Variants in RIPOR2 observed in about 807,000 individuals in gnomAD.
The protein encoded by RIPOR2 is RHO family interacting cell polarization regulator 2.
Under a neutral mutation model 114.5 loss-of-function variants are expected in RIPOR2, and 39 were observed. The ratio of observed to expected loss-of-function variants is 0.34; its 90% CI spans 0.26 to 0.44. RIPOR2 has a LOEUF of 0.44. RIPOR2 is among the 20% of genes least tolerant of loss of function. The pLI, the probability that RIPOR2 is intolerant of heterozygous loss-of-function variation, is 1.00. For missense variants in RIPOR2, 1,007 were observed against 1,255.1 expected (o/e 0.80, Z 2.99); for synonymous variants, 445 against 484.4 (o/e 0.92, Z 1.07).
intron 1 of RIPOR2, among the ~76,000 whole-genome samples, chr6:25,025,430 C>G (rs753904596): frequency 2.6e-5 from 4 of 151,838 alleles, no homozygotes; most frequent in Non-Finnish European, 4.4e-5. Context: ...ATGCTGGGTG[C>G]GTGACGAGGC....
At chr6:24,875,002 C>T (rs1765576669) in intron 2 of RIPOR2, among the ~76,000 whole-genome samples, 1 of 152,142 alleles carries the variant, frequency 6.6e-6, no homozygotes, top group African/African-American at 2.4e-5. Flanking sequence ...CACTCACTGA[C>T]CCAGCTATCA....
chr6:24,828,069 G>A, intron 18 of RIPOR2, 68 bp downstream of exon 18: 1 of 1,314,492 alleles, frequency 7.6e-7, no homozygotes, highest in Non-Finnish European at 1.0e-6. Flanking sequence ...CAAAAGCCAT[G>A]ATTTAAAAGA....
In RIPOR2 at chr6:25,037,186, A is replaced by T. The variant is rs1777290189; in HGVS notation, c.76+4665T>A. On this transcript the variant is annotated intron_variant, in intron 1 of 13. Coordinates refer to the RIPOR2 transcript ENST00000510784. This position sits in a 1 kb window ranked among gnomAD's most constrained non-coding sequence, Gnocchi z 4.5. ...TTTAAGGTTGAGGAAGTGGGCATTC[A>T]GGGAGGTGGAATAAATTGCCCACAG... 6.6e-6 allele frequency among the ~76,000 whole-genome samples: 1 copy of T among 152,220 alleles called. No individual in the cohort carries two copies. The highest frequency in any genetic ancestry group is 6.5e-5 in the Admixed American group (1 of 15,286).
chr6:25,041,799 A>C (rs1490553828), intron 1 of RIPOR2: 3 of 688,870 alleles, frequency 4.4e-6, no homozygotes, highest in African/African-American at 1.8e-5. Context: ...GTGTTGCGGG[A>C]AAGTGTGGAA....
At chr6:24,840,272 G>C (rs960033017) in intron 13 of RIPOR2, 2 of 1,033,510 alleles carry the variant, frequency 1.9e-6, no homozygotes, top group Non-Finnish European at 2.3e-6. Context: ...TCTGAGGACT[G>C]AGGAAAGAAT....
At chr6:24,840,040 C>G in intron 13 of RIPOR2, 1 of 839,676 alleles carries the variant, frequency 1.2e-6, no homozygotes, top group Non-Finnish European at 1.4e-6. Flanking sequence ...GCCTCAATCT[C>G]CCGGGCTTAA....
chr6:24,979,845 C>T (rs891253327), intron 1 of RIPOR2, among the ~76,000 whole-genome samples: 22 of 152,132 alleles, frequency 1.4e-4, no homozygotes, highest in African/African-American at 5.1e-4. Flanking sequence ...TGTAAGTAAC[C>T]AGTCTCTTAG....
chr6:24,822,476 T>C (rs1280134017), intron 19 of RIPOR2, among the ~76,000 whole-genome samples: 1 of 152,140 alleles, frequency 6.6e-6, no homozygotes, highest in Non-Finnish European at 1.5e-5. Context: ...ATTTTGGGGT[T>C]ACTGAATAGG....
intron 1 of RIPOR2, among the ~76,000 whole-genome samples, chr6:24,921,695 T>TTGTCTGCC (rs901584010): frequency 5.9e-5 from 9 of 151,340 alleles, no homozygotes; most frequent in African/African-American, 1.2e-4. Flanking sequence ...GGCTTGTCTA[T>TTGTCTGCC]TGTCTGCCTC....
intron 1 of RIPOR2, among the ~76,000 whole-genome samples, chr6:24,997,757 A>T (rs1775108506): frequency 6.6e-6 from 1 of 152,208 alleles, no homozygotes; most frequent in Admixed American, 6.5e-5. Flanking sequence ...CAAGACCCCC[A>T]GGTGATCTGT....
At chr6:24,870,015 T>C (rs1236099368) in intron 5 of RIPOR2, among the ~76,000 whole-genome samples, 2 of 152,216 alleles carry the variant, frequency 1.3e-5, no homozygotes, top group African/African-American at 4.8e-5. Flanking sequence ...AATAAAATTA[T>C]TGTGCACATA....
At chr6:24,840,085 G>T in intron 13 of RIPOR2, 1 of 706,098 alleles carries the variant, frequency 1.4e-6, no homozygotes, top group Non-Finnish European at 1.7e-6. Flanking sequence ...AGGTAGCTGA[G>T]ACCACAGGCA....
intron 1 of RIPOR2, among the ~76,000 whole-genome samples, chr6:25,028,425 T>C (rs750814873): frequency 9.9e-5 from 15 of 152,220 alleles, no homozygotes; most frequent in African/African-American, 2.4e-5. Flanking sequence ...CTTGTACACA[T>C]GTGTCTGAAT....
intron 18 of RIPOR2, among the ~76,000 whole-genome samples, chr6:24,826,385 G>A (rs1760186502): frequency 6.6e-6 from 1 of 152,018 alleles, no homozygotes; most frequent in South Asian, 2.1e-4. Context: ...AAAAACACTG[G>A]GATGAGAATA....
At chr6:24,818,124 C>T (rs1455610848) in intron 20 of RIPOR2, among the ~76,000 whole-genome samples, 1 of 151,956 alleles carries the variant, frequency 6.6e-6, no homozygotes, top group Non-Finnish European at 1.5e-5. Context: ...CCATCATGCC[C>T]AGCTAGTTTT....
intron 1 of RIPOR2, among the ~76,000 whole-genome samples, chr6:24,885,576 T>C (rs546986462): frequency 1.3e-5 from 2 of 152,332 alleles, no homozygotes; most frequent in South Asian, 4.1e-4. Context: ...GCAGAGACAA[T>C]AAGAACGTGG....
chr6:24,839,698 T>G, intron 13 of RIPOR2: 1 of 1,498,172 alleles, frequency 6.7e-7, no homozygotes, highest in Non-Finnish European at 8.8e-7. Context: ...AACTGCTATA[T>G]CCCTCTGCCT....
At chr6:24,809,631 A>T (rs1781005315) in intron 21 of RIPOR2, 86 bp downstream of exon 21, 1 of 897,010 alleles carries the variant, frequency 1.1e-6, no homozygotes, top group Non-Finnish European at 1.8e-6. Context: ...ACTTCTCCTT[A>T]CTGGAGAAGG....
At chr6:24,817,857 T>C (rs948622525) in intron 20 of RIPOR2, among the ~76,000 whole-genome samples, 3 of 152,146 alleles carry the variant, frequency 2.0e-5, no homozygotes, top group Non-Finnish European at 4.4e-5. Flanking sequence ...CTGAATTTAG[T>C]ACTTCTTTTC....
Sources: allele counts gnomAD v4.1 joint callset (sites outside exome capture counted in the v4.1 genomes callset), GRCh38; gene constraint gnomAD v4.1.1; non-coding constraint Gnocchi (gnomAD v3.1); transcripts MANE v1.5; gene names NCBI Gene and HGNC (gene_info 2026-07-23, HGNC 2026-07-21).